The following GNG7 variants were observed in gnomAD, a reference collection of about 807,000 sequenced individuals.
GNG7 encodes the protein G protein subunit gamma 7, also known as guanine nucleotide-binding protein G(I)/G(S)/G(O) subunit gamma-7.
In GNG7, 1 loss-of-function variant was observed where a neutral mutation model predicts 4.0. That is an observed-to-expected ratio of 0.25 (90% confidence interval 0.09 to 1.18). The LOEUF (loss-of-function observed/expected upper bound fraction) is 1.18. GNG7 is among the 50% of genes most tolerant of loss of function. The pLI is 0.50. For synonymous variants in GNG7, 34 were observed against 36.9 expected (o/e 0.92, Z 0.29); for missense variants, 86 against 91.9 (o/e 0.94, Z 0.26).
intron 3 of GNG7, among the ~76,000 whole-genome samples, chr19:2,534,314 C>T (rs1477275975): frequency 2.0e-5 from 3 of 152,190 alleles, no homozygotes; most frequent in African/African-American, 4.8e-5. Context: ...CCGCTCCACT[C>T]CCCACTCCCT....
At chr19:2,590,780 TCCATCCACCCAACCAACCATCCAC>T (rs1357810303) in intron 2 of GNG7, among the ~76,000 whole-genome samples, 1 of 146,966 alleles carries the variant, frequency 6.8e-6, no homozygotes, top group East Asian at 2.0e-4. Context: ...CAACCATCCA[TCCATCCACCCAACCAACCATCCAC>T]CCATCCGCCC....
chr19:2,518,620 T>G (rs904825027), intron 4 of GNG7, among the ~76,000 whole-genome samples: 1 of 152,012 alleles, frequency 6.6e-6, no homozygotes, highest in African/African-American at 2.4e-5. Context: ...GCCTCCCCGC[T>G]GGGAGCAAAG....
chr19:2,632,398 T>C (rs1419010176), intron 2 of GNG7, among the ~76,000 whole-genome samples: 1 of 148,094 alleles, frequency 6.8e-6, no homozygotes, highest in African/African-American at 2.5e-5. Flanking sequence ...TATTGCATTC[T>C]AGCCTGGGAG....
At position 2,657,828 on chromosome 19, in the gene GNG7, G is replaced by A. The variant is rs79278262; in HGVS notation, c.-134-11548C>T. 5.0e-3 allele frequency among the ~76,000 whole-genome samples: 761 copies of A among 152,236 alleles called. 7 individuals carry two copies. The highest frequency in any genetic ancestry group is 0.016 in the African/African-American group (677 of 41,534). On this transcript the variant is annotated intron_variant, in intron 1 of 4. Coordinates refer to ENST00000382159, the MANE Select transcript of GNG7 (RefSeq NM_052847.3). The stretch of plus-strand genomic sequence containing the variant: ...GCACGAGCTGCCTGGCTCTGCCTTC[G>A]AGATAGCAGTAACAGAATTAGTGAA...
intron 2 of GNG7, among the ~76,000 whole-genome samples, chr19:2,627,471 C>T (rs1982049666): frequency 6.6e-6 from 1 of 152,220 alleles, no homozygotes; most frequent in Non-Finnish European, 1.5e-5. Context: ...CATCCTCTGG[C>T]CCTGGCTCCC....
At position 2,569,692 on chromosome 19, in the gene GNG7, C is replaced by A. The variant is rs532868344; in HGVS notation, c.-77-14504G>T. Among the ~76,000 whole-genome samples the A allele has an allele frequency of 5.3e-5, 8 of 152,276 alleles. No individual in the cohort carries two copies. In the East Asian group the frequency reaches 1.5e-3, roughly 29 times the overall value. On this transcript the variant is annotated intron_variant, in intron 2 of 4. Coordinates refer to ENST00000382159, the MANE Select transcript of GNG7 (RefSeq NM_052847.3). ...AGCCAGACCGTTCTCTGGGGTGGAG[C>A]CATCCTGGGCACTGCAGGGTGCTGA...
Position 2,620,257 on chromosome 19 carries a change from G to A in GNG7, c.-78+25967C>T, listed in dbSNP as rs1599425624. Among the ~76,000 whole-genome samples, 4 of 141,362 alleles carry A rather than the reference G, an allele frequency of 2.8e-5. No individual in the cohort carries two copies. In the South Asian group the frequency reaches 7.3e-4, roughly 26 times the overall value. 92.7% of individuals were successfully genotyped at this position (141,362 alleles called of 152,430 possible). A position where few individuals can be genotyped will look rare whatever the true frequency, so the allele number is the denominator to read the frequency against. ...GAGGGGAGGGGAGGGGAGGGGAGGG[G>A]AGGGGAGAGGAGAGGACCCTGTAGA... is the stretch of plus-strand genomic sequence containing the variant. On this transcript the variant is annotated intron_variant, in intron 2 of 4. Coordinates refer to ENST00000382159, the MANE Select transcript of GNG7 (RefSeq NM_052847.3).
intron 1 of GNG7, among the ~76,000 whole-genome samples, chr19:2,694,874 G>C (rs139152917): frequency 6.6e-6 from 1 of 151,652 alleles, no homozygotes; most frequent in Admixed American, 6.6e-5. Context: ...GACGCTGCTC[G>C]GCACCTCAGG....
intron 2 of GNG7, among the ~76,000 whole-genome samples, chr19:2,596,265 A>G (rs946106124): frequency 1.3e-5 from 2 of 152,160 alleles, no homozygotes; most frequent in East Asian, 3.8e-4. Context: ...AGGCTGAGAC[A>G]GGAGAATCGC....
intron 2 of GNG7, among the ~76,000 whole-genome samples, chr19:2,627,562 T>G (rs1476092657): frequency 1.3e-5 from 2 of 152,166 alleles, no homozygotes; most frequent in African/African-American, 4.8e-5. Flanking sequence ...TTTCTGTCAC[T>G]CCCGGCTGAT....
intron 2 of GNG7, among the ~76,000 whole-genome samples, chr19:2,574,854 C>T (rs1980257885): frequency 1.3e-5 from 2 of 152,176 alleles, no homozygotes; most frequent in Non-Finnish European, 2.9e-5. Context: ...TCTCCATCTC[C>T]TCTCCCGCTC....
At chr19:2,696,334 G>GAAAGAAAGA (rs368248561) in intron 1 of GNG7, among the ~76,000 whole-genome samples, 67 of 134,010 alleles carry the variant, frequency 5.0e-4, no homozygotes, top group African/African-American at 2.0e-3. Flanking sequence ...AAGAAAGAAA[G>GAAAGAAAGA]AAAGAAAGAA....
intron 2 of GNG7, among the ~76,000 whole-genome samples, chr19:2,579,424 C>A (rs16991222): frequency 0.021 from 3,191 of 152,278 alleles, 124 homozygotes; most frequent in African/African-American, 0.074. Flanking sequence ...GGAAGCCGGG[C>A]GACCGGGAAG....
At chr19:2,529,222 T>G (rs1978508380) in intron 3 of GNG7, among the ~76,000 whole-genome samples, 1 of 152,158 alleles carries the variant, frequency 6.6e-6, no homozygotes, top group South Asian at 2.1e-4. Flanking sequence ...TTTGTTTGTT[T>G]GTTTGTTTTT....
rs899946856 is a variant in GNG7 at position 2,609,268 on chromosome 19, TC to T, written c.-78+36955del. On this transcript the variant is annotated intron_variant, in intron 2 of 4. Coordinates refer to ENST00000382159, the MANE Select transcript of GNG7 (RefSeq NM_052847.3). This position sits in a 1 kb window ranked among gnomAD's most constrained non-coding sequence, Gnocchi z 4.4. The stretch of plus-strand genomic sequence containing the variant: ...TCTTGAACTCCTAGCCTCATGATCC[TC>T]CCACCTCAGTGTCCTGTGGAGCTGG... Among the ~76,000 whole-genome samples, 1 of 152,126 alleles carries T rather than the reference TC, an allele frequency of 6.6e-6. No homozygotes were observed. The highest frequency in any genetic ancestry group is 1.5e-5 in the Non-Finnish European group (1 of 68,012).
intron 2 of GNG7, among the ~76,000 whole-genome samples, chr19:2,599,744 C>T (rs192652041): frequency 6.6e-6 from 1 of 152,174 alleles, no homozygotes; most frequent in East Asian, 1.9e-4. Context: ...CGAGACCAGC[C>T]TGGGCAATAC....
intron 4 of GNG7, among the ~76,000 whole-genome samples, chr19:2,520,402 C>T (rs112149809): frequency 6.6e-4 from 101 of 152,262 alleles, no homozygotes; most frequent in Middle Eastern, 3.4e-3. Flanking sequence ...CATTGCTGCA[C>T]GAAGGCAGGA....
chr19:2,513,097 C>G lies in GNG7; in HGVS notation c.*1925G>C. ...CCGGCTGTGGCCTGTGGGAGCTGCC[C>G]GAGGTTGAGGAGTGGAGGTCACTCC... On this transcript the variant is annotated 3_prime_UTR_variant, in exon 5 of 5. Coordinates refer to ENST00000382159, the MANE Select transcript of GNG7 (RefSeq NM_052847.3). 1.0e-6 allele frequency: 1 copy of G among 985,566 alleles called. No individual in the cohort carries two copies. Among genetic ancestry groups the G allele is most frequent in the Non-Finnish European group, 1.2e-6 (1 of 830,052 alleles). The allele number at this position is 985,566 out of a possible 1,614,324, so 61.1% of individuals were successfully genotyped here. A position where few individuals can be genotyped will look rare whatever the true frequency, so the allele number is the denominator to read the frequency against.
intron 1 of GNG7, among the ~76,000 whole-genome samples, chr19:2,668,159 G>A (rs1050142358): frequency 2.0e-5 from 3 of 151,516 alleles, no homozygotes. Context: ...AGATGAAACT[G>A]TCTGCACTGC....
Sources: allele counts gnomAD v4.1 joint callset (sites outside exome capture counted in the v4.1 genomes callset), GRCh38; gene constraint gnomAD v4.1.1; non-coding constraint Gnocchi (gnomAD v3.1); transcripts MANE v1.5; gene names NCBI Gene and HGNC (gene_info 2026-07-23, HGNC 2026-07-21).